The following KIAA1217 variants were observed in gnomAD, a reference collection of about 807,000 sequenced individuals.
The protein encoded by KIAA1217 is KIAA1217.
KIAA1217 carries 88 observed loss-of-function variants against 163.9 expected under a neutral mutation model. The observed-to-expected ratio is 0.54, with a 90% CI of 0.45 to 0.64. The LOEUF (loss-of-function observed/expected upper bound fraction) is 0.64. KIAA1217 is among the 30% of genes least tolerant of loss of function. KIAA1217 has a pLI of 0.00. For synonymous variants in KIAA1217, 903 were observed against 923.1 expected (o/e 0.98, Z 0.39); for missense variants, 2,372 against 2,475.0 (o/e 0.96, Z 0.88).
Position 24,456,294 on chromosome 10 carries a change from C to T in KIAA1217, c.847-16934C>T, listed in dbSNP as rs572589417. 7.2e-5 allele frequency among the ~76,000 whole-genome samples: 11 copies of T among 152,312 alleles called. No individual in the cohort carries two copies. The East Asian group carries it at 9.6e-4, about 13-fold the overall frequency. On this transcript the variant is annotated intron_variant, in intron 5 of 20. Transcript: ENST00000376454. Reference sequence around the variant, plus strand: ...TTTGCCAGTTCTTGTATCTCCAAAACGAATGTGTCATTCGTTTCATCCTTC... The same window carrying T: ...TTTGCCAGTTCTTGTATCTCCAAAATGAATGTGTCATTCGTTTCATCCTTC...
intron 1 of KIAA1217, among the ~76,000 whole-genome samples, chr10:23,710,301 A>G (rs1837170742): frequency 6.6e-6 from 1 of 152,202 alleles, no homozygotes; most frequent in Non-Finnish European, 1.5e-5. Flanking sequence ...TTCTAATCAA[A>G]TAATGCTGTT....
chr10:24,285,796 G>T (rs927438395), intron 2 of KIAA1217, among the ~76,000 whole-genome samples: 1 of 152,132 alleles, frequency 6.6e-6, no homozygotes, highest in African/African-American at 2.4e-5. Context: ...GGGCAGTATG[G>T]ACATTTTAAT....
At chr10:24,305,379 A>G (rs1230902936) in intron 2 of KIAA1217, among the ~76,000 whole-genome samples, 2 of 152,194 alleles carry the variant, frequency 1.3e-5, no homozygotes, top group Non-Finnish European at 2.9e-5. Context: ...ATATTTGGGA[A>G]AGGGGAACAA....
intron 2 of KIAA1217, among the ~76,000 whole-genome samples, chr10:24,309,789 G>C (rs928649685): frequency 6.6e-6 from 1 of 152,084 alleles, no homozygotes; most frequent in African/African-American, 2.4e-5. Context: ...TCCATCTTGC[G>C]TGCACCCAGC....
chr10:24,367,513 A>T (rs779156757), intron 2 of KIAA1217, among the ~76,000 whole-genome samples: 7 of 152,196 alleles, frequency 4.6e-5, no homozygotes, highest in Non-Finnish European at 1.0e-4. Flanking sequence ...AGATCTTTGA[A>T]TAATTGTTTG....
intron 1 of KIAA1217, among the ~76,000 whole-genome samples, chr10:23,757,471 AC>A (rs1270678307): frequency 2.0e-5 from 3 of 152,042 alleles, no homozygotes; most frequent in African/African-American, 7.2e-5. Flanking sequence ...GTTTTGACTT[AC>A]ATTTCTCTAA....
Position 24,075,119 on chromosome 10 carries a change from TACACACACAC to T in KIAA1217, c.-171+67782_-171+67791del, listed in dbSNP as rs71397929. On this transcript the variant is annotated intron_variant, in intron 2 of 18. Transcript: ENST00000376462. ...AGAAAGTCCTTCTGTTCCCCCTAAA[TACACACACAC>T]ACACACACACACACACACACACACA... 2.8e-3 allele frequency among the ~76,000 whole-genome samples: 364 copies of T among 131,558 alleles called. 1 individual carries two copies. Among genetic ancestry groups the T allele is most frequent in the African/African-American group, 9.1e-3 (341 of 37,438 alleles). The allele number at this position is 131,558 out of a possible 152,430, so 86.3% of individuals were successfully genotyped here. A position where few individuals can be genotyped will look rare whatever the true frequency, so the allele number is the denominator to read the frequency against.
chr10:24,380,845 C>CT lies in KIAA1217; in HGVS notation c.355-21dup, dbSNP rs541583379. 72 of 1,478,226 alleles carry CT rather than the reference C, an allele frequency of 4.9e-5. No individual in the cohort carries two copies. In the African/African-American group the frequency reaches 9.7e-4, roughly 20 times the overall value. 91.6% of individuals were successfully genotyped at this position (1,478,226 alleles called of 1,614,324 possible). The stretch of plus-strand genomic sequence containing the variant: ...CGATTAATAATAGTCTATTTTCCCA[C>CT]TTTCTTTAAAATGCCTTTTGCAGAC... On this transcript the variant is annotated intron_variant, in intron 2 of 20. Transcript: ENST00000376454.
rs1298624439 is a variant in KIAA1217, at chr10:24,544,292, A to G, written c.5022A>G (p.Lys1674=). The G allele has an allele frequency of 1.9e-6, 3 of 1,614,136 alleles. No individual in the cohort carries two copies. The highest frequency in any genetic ancestry group is 2.2e-5 in the East Asian group (1 of 44,872). The change falls in exon 19 of 21, where the codon AAA becomes AAG. Residue 1674 remains lysine, a synonymous_variant. Transcript: ENST00000376454. The stretch of plus-strand genomic sequence containing the variant: ...TGGATAGCCTGGAGCAGACCATTAA[A>G]CAGCTCGAAAATACAATCAGTGAAA... The part of the protein sequence containing the change: ...RTLDSLEQTI[K]QLENTISEMS...
intron 2 of KIAA1217, among the ~76,000 whole-genome samples, chr10:24,290,636 C>CTCTG (rs1436960215): frequency 6.0e-5 from 9 of 148,994 alleles, no homozygotes; most frequent in Admixed American, 2.0e-4. Flanking sequence ...CGGAGTCTTG[C>CTCTG]TCTGTCACCC....
intron 1 of KIAA1217, among the ~76,000 whole-genome samples, chr10:23,832,874 A>G (rs1649717570): frequency 6.6e-6 from 1 of 152,134 alleles, no homozygotes; most frequent in Non-Finnish European, 1.5e-5. Flanking sequence ...CAGAAGGCGA[A>G]AGGAAGATAA....
intron 2 of KIAA1217, among the ~76,000 whole-genome samples, chr10:24,336,755 A>T (rs868302582): frequency 1.6e-4 from 24 of 152,234 alleles, no homozygotes; most frequent in Non-Finnish European, 2.6e-4. Context: ...ATGGTTTTTT[A>T]AAAAGTTAAT....
intron 1 of KIAA1217, among the ~76,000 whole-genome samples, chr10:23,904,772 A>T (rs957024137): frequency 6.6e-6 from 1 of 152,122 alleles, no homozygotes; most frequent in Non-Finnish European, 1.5e-5. Flanking sequence ...GGTGAGCAGC[A>T]GCAATGACAC....
At chr10:24,466,528 T>C (rs1241325442) in intron 5 of KIAA1217, 1 of 985,256 alleles carries the variant, frequency 1.0e-6, no homozygotes, top group African/African-American at 1.7e-5. Flanking sequence ...TTACTTTTTA[T>C]CCATGCCAGT....
At chr10:24,218,736 G>A (rs1158727036) in intron 1 of KIAA1217, among the ~76,000 whole-genome samples, 3 of 152,040 alleles carry the variant, frequency 2.0e-5, no homozygotes, top group African/African-American at 7.2e-5. Flanking sequence ...TGATTCACCC[G>A]CCTCGGCCTC....
chr10:24,447,312 T>C (rs2061019831), intron 5 of KIAA1217, among the ~76,000 whole-genome samples: 1 of 152,118 alleles, frequency 6.6e-6, no homozygotes, highest in Non-Finnish European at 1.5e-5. Flanking sequence ...TATGTATACA[T>C]GTGCCATGTT....
intron 2 of KIAA1217, among the ~76,000 whole-genome samples, chr10:24,249,636 T>A (rs1448617299): frequency 6.6e-6 from 1 of 152,218 alleles, no homozygotes; most frequent in Non-Finnish European, 1.5e-5. Flanking sequence ...ATATTCCCCA[T>A]ATACACTTAA....
chr10:23,982,529 TTCTCTCTCTCTC>T (rs59075123), intron 1 of KIAA1217, among the ~76,000 whole-genome samples: 2,956 of 73,608 alleles, frequency 0.04, 106 homozygotes, highest in African/African-American at 0.099. Context: ...TGTTTTTTGT[TTCTCTCTCTCTC>T]TCTCTCTCTC....
At chr10:24,276,724 C>G (rs1014700968) in intron 2 of KIAA1217, among the ~76,000 whole-genome samples, 2 of 151,992 alleles carry the variant, frequency 1.3e-5, no homozygotes, top group Non-Finnish European at 2.9e-5. Context: ...ATTGTCCTGC[C>G]TCAGCCTCCT....
Sources: gnomAD v4.1 joint callset for allele counts (sites outside exome capture counted in the v4.1 genomes callset) on GRCh38, gnomAD v4.1.1 for gene constraint, MANE v1.5 for transcripts, NCBI Gene and HGNC (gene_info 2026-07-23, HGNC 2026-07-21) for gene names.